The following TNRC18 variants were observed in gnomAD, a reference collection of about 807,000 sequenced individuals.
TNRC18 encodes the protein trinucleotide repeat-containing gene 18 protein.
Under a neutral mutation model 226.7 loss-of-function variants are expected in TNRC18, and 69 were observed. The observed-to-expected ratio is 0.30, with a 90% CI of 0.25 to 0.37. TNRC18 has a LOEUF of 0.37. Ranked by LOEUF, TNRC18 falls within the 10% of genes least tolerant of loss-of-function variation. The pLI is 1.00. For missense variants in TNRC18, 4,754 were observed against 4,256.6 expected, an observed-to-expected ratio of 1.12 and a Z score of -3.25; for synonymous variants, 2,449 against 1,927.6, an observed-to-expected ratio of 1.27 and a Z score of -7.09.
At chr7:5,366,266 G>A (rs1421646352) in intron 11 of TNRC18, among the ~76,000 whole-genome samples, 8 of 150,992 alleles carry the variant, frequency 5.3e-5, no homozygotes, top group African/African-American at 1.5e-4. Context: ...AATGTCCCCT[G>A]GGGGGACAAA....
chr7:5,409,694 A>G (rs987480027), intron 2 of TNRC18, among the ~76,000 whole-genome samples: 1 of 151,678 alleles, frequency 6.6e-6, no homozygotes, highest in Non-Finnish European at 1.5e-5. Flanking sequence ...AATACAAAAG[A>G]AGGCCAGGCG....
chr7:5,330,694 G>C (rs1789434092), intron 19 of TNRC18, among the ~76,000 whole-genome samples: 2 of 151,900 alleles, frequency 1.3e-5, no homozygotes, highest in Admixed American at 6.6e-5. Context: ...TATTTTTGGA[G>C]ACAGAGTCTC....
At chr7:5,314,133 GTATTAT>G (rs1270812477) in intron 26 of TNRC18, among the ~76,000 whole-genome samples, 1 of 150,612 alleles carries the variant, frequency 6.6e-6, no homozygotes, top group Non-Finnish European at 1.5e-5. Flanking sequence ...GGAATTTTTT[GTATTAT>G]TATTTTTTTT....
At chr7:5,371,444 A>T (rs1479490586) in intron 10 of TNRC18, 80 bp from the exon 11 acceptor site, 7 of 1,423,174 alleles carry the variant, frequency 4.9e-6, no homozygotes, top group Non-Finnish European at 6.4e-6. Flanking sequence ...CCACCACCCC[A>T]GACAGAGACC....
chr7:5,324,134 T>G lies in TNRC18; in HGVS notation c.6442+80A>C. 1 of 1,472,458 alleles carries G rather than the reference T, an allele frequency of 6.8e-7. No homozygotes were observed. The highest frequency in any genetic ancestry group is 9.1e-7 in the Non-Finnish European group (1 of 1,101,684). 91.2% of individuals were successfully genotyped at this position (1,472,458 alleles called of 1,614,324 possible). A position where few individuals can be genotyped will look rare whatever the true frequency, so the allele number is the denominator to read the frequency against. On this transcript the variant is annotated intron_variant, in intron 21 of 29. Transcript: ENST00000430969. This position sits in a 1 kb window ranked among gnomAD's most constrained non-coding sequence, Gnocchi z 4.8. ...CCCCAGCTAGCCCAGCCCTTCAGTC[T>G]CAAGCCTTGCTCAGATCTGCCTCCC...
intron 19 of TNRC18, among the ~76,000 whole-genome samples, chr7:5,328,094 T>C (rs1191425590): frequency 6.6e-6 from 1 of 152,032 alleles, no homozygotes; most frequent in Non-Finnish European, 1.5e-5. Flanking sequence ...GGCACGAGCC[T>C]GTAATCCCAG....
intron 2 of TNRC18, among the ~76,000 whole-genome samples, chr7:5,399,611 CA>C (rs1326443600): frequency 3.9e-5 from 6 of 151,928 alleles, no homozygotes; most frequent in African/African-American, 1.2e-4. Flanking sequence ...GAGGCTGAGG[CA>C]GGGGAATTGC....
chr7:5,339,325 C>T (rs369699851), intron 18 of TNRC18, among the ~76,000 whole-genome samples: 25 of 151,048 alleles, frequency 1.7e-4, no homozygotes, highest in African/African-American at 3.9e-4. Context: ...CTGCAATCTC[C>T]GCCTCCCAGG....
intron 2 of TNRC18, among the ~76,000 whole-genome samples, chr7:5,410,860 CAAAAAAAA>C (rs34320785): frequency 8.1e-5 from 3 of 37,172 alleles, no homozygotes; most frequent in East Asian, 9.1e-4. Flanking sequence ...GACTCCATCT[CAAAAAAAA>C]AAAAAAAAAA....
intron 21 of TNRC18, 119 bp from the exon 22 acceptor site, chr7:5,321,309 G>A: frequency 1.5e-6 from 1 of 680,664 alleles, no homozygotes; most frequent in Non-Finnish European, 2.5e-6. Context: ...GGGTGGGCCT[G>A]TGGGGCTGAG....
chr7:5,334,024 G>A (rs1451060570), intron 18 of TNRC18, among the ~76,000 whole-genome samples: 2 of 152,160 alleles, frequency 1.3e-5, no homozygotes, highest in African/African-American at 4.8e-5. Context: ...TGCTCCCCAG[G>A]ACAGGGGCTC....
intron 17 of TNRC18, among the ~76,000 whole-genome samples, chr7:5,347,398 G>C (rs1283449825): frequency 6.8e-6 from 1 of 146,452 alleles, no homozygotes; most frequent in Non-Finnish European, 1.5e-5. Context: ...GGGTTTCACC[G>C]TGTTAGCCAG....
Position 5,313,784 on chromosome 7 carries a change from G to A in TNRC18, c.7107C>T (p.Thr2369=). 1 of 1,538,296 alleles carries A rather than the reference G, an allele frequency of 6.5e-7. No individual in the cohort carries two copies. Among genetic ancestry groups the A allele is most frequent in the Non-Finnish European group, 8.7e-7 (1 of 1,143,444 alleles). Residue 2369 remains threonine, a synonymous_variant, in exon 27 of 30, where the codon ACC becomes ACT. Transcript: ENST00000430969. Reference sequence around the variant, plus strand: ...CTGGGGGGCTCTTCTTGGAACCTGGGGTGCTGCTCGGCTCCAGGGCTAAGG... The same window carrying A: ...CTGGGGGGCTCTTCTTGGAACCTGGAGTGCTGCTCGGCTCCAGGGCTAAGG... ...STPLALEPSS[T]PGSKKSPPEP... is the part of the protein sequence containing the mutation.
intron 3 of TNRC18, among the ~76,000 whole-genome samples, chr7:5,390,996 C>T (rs762410629): frequency 9.2e-5 from 14 of 152,150 alleles, no homozygotes; most frequent in Admixed American, 2.6e-4. Flanking sequence ...ACTTTAAAGA[C>T]GAGAAAACTC....
At position 5,361,964 on chromosome 7, in the gene TNRC18, C is replaced by T. The variant is rs761641251; in HGVS notation, c.4465G>A (p.Glu1489Lys). ...TTCTCCTTGTACTGGCGCTGCACCT[C>T]GGCCAGCCGCATCCGGAAGTCCAGC... The part of the protein sequence containing the change: ...LELDFRMRLA[E>K]VQRQYKEKQR... Residue 1489 changes from glutamate to lysine, a missense_variant, in exon 13 of 30, where the codon GAG becomes AAG. By Grantham distance (56) the Glu-to-Lys change is moderately conservative. Coordinates refer to ENST00000430969, the MANE Select transcript of TNRC18 (RefSeq NM_001080495.3). The T allele has an allele frequency of 3.1e-6, 5 of 1,612,548 alleles. No homozygotes were observed. The African/African-American group carries it at 4.0e-5, about 13-fold the overall frequency.
chr7:5,314,521 C>A (rs1787640357), intron 26 of TNRC18, among the ~76,000 whole-genome samples: 1 of 151,762 alleles, frequency 6.6e-6, no homozygotes, highest in Admixed American at 6.6e-5. Flanking sequence ...TCATCTGTCA[C>A]CTGGTCAGAA....
intron 5 of TNRC18, among the ~76,000 whole-genome samples, chr7:5,381,031 A>G (rs563180568): frequency 6.6e-6 from 1 of 151,676 alleles, no homozygotes; most frequent in Non-Finnish European, 1.5e-5. Flanking sequence ...TGTCCCCCCG[A>G]CTGTCCCGGC....
chr7:5,323,244 C>T (rs569144273), intron 21 of TNRC18, among the ~76,000 whole-genome samples: 10 of 152,260 alleles, frequency 6.6e-5, no homozygotes, highest in Non-Finnish European at 1.5e-4. Flanking sequence ...CTACAGACCC[C>T]TGGGTCCCAG....
At chr7:5,346,748 C>T (rs1791236997) in intron 17 of TNRC18, among the ~76,000 whole-genome samples, 1 of 152,230 alleles carries the variant, frequency 6.6e-6, no homozygotes, top group Admixed American at 6.5e-5. Flanking sequence ...TCTATTTTCT[C>T]ACCTGCAGCA....
Sources: allele counts gnomAD v4.1 joint callset (sites outside exome capture counted in the v4.1 genomes callset), GRCh38; gene constraint gnomAD v4.1.1; non-coding constraint Gnocchi (gnomAD v3.1); transcripts MANE v1.5; gene names NCBI Gene and HGNC (gene_info 2026-07-23, HGNC 2026-07-21).